CEPT1: variants seen among roughly 807,000 people sequenced by gnomAD.
CEPT1 encodes the protein choline/ethanolamine phosphotransferase 1.
A neutral mutation model predicts 42.6 loss-of-function variants in CEPT1; 7 were observed. That is an observed-to-expected ratio of 0.16 (90% confidence interval 0.09 to 0.31). The LOEUF (loss-of-function observed/expected upper bound fraction) is 0.31, where lower values mean the gene tolerates loss of function less well. CEPT1 is among the 10% of genes least tolerant of loss of function. CEPT1 has a pLI of 1.00. For missense variants in CEPT1, 306 were observed against 502.1 expected (o/e 0.61, Z 3.73); for synonymous variants, 171 against 171.9 (o/e 0.99, Z 0.04).
chr1:111,167,043 T>C (rs1366354722), intron 4 of CEPT1: 2 of 788,682 alleles, frequency 2.5e-6, no homozygotes, highest in Non-Finnish European at 3.1e-6. Flanking sequence ...CCTGTGTTAG[T>C]AGGGCTCTTT....
intron 3 of CEPT1, chr1:111,159,752 G>T: frequency 2.8e-6 from 1 of 357,920 alleles, no homozygotes; most frequent in South Asian, 3.9e-5. Flanking sequence ...TATTGTTTTG[G>T]CATCTTTTGT....
chr1:111,155,581 C>CCG (rs772292051), intron 2 of CEPT1, among the ~76,000 whole-genome samples: 8 of 150,852 alleles, frequency 5.3e-5, no homozygotes, highest in Admixed American at 4.6e-4. Context: ...CTTTTATTGT[C>CCG]CGGGCTGGAG....
intron 2 of CEPT1, among the ~76,000 whole-genome samples, chr1:111,149,708 C>A (rs529045409): frequency 1.3e-5 from 2 of 152,316 alleles, no homozygotes; most frequent in East Asian, 3.9e-4. Context: ...TTGACTGCTA[C>A]TCCCAGAAGG....
At chr1:111,162,158 G>A (rs1484574664) in intron 4 of CEPT1, among the ~76,000 whole-genome samples, 1 of 152,170 alleles carries the variant, frequency 6.6e-6, no homozygotes, top group African/African-American at 2.4e-5. Flanking sequence ...TGAATCTGCA[G>A]GGAACTTTTG....
intron 4 of CEPT1, among the ~76,000 whole-genome samples, chr1:111,170,949 T>TA (rs1656385171): frequency 6.6e-6 from 1 of 152,206 alleles, no homozygotes; most frequent in South Asian, 2.1e-4. Context: ...ATTTACTATT[T>TA]ATAGTTTAAC....
At chr1:111,153,055 A>C (rs1655368529) in intron 2 of CEPT1, among the ~76,000 whole-genome samples, 1 of 152,164 alleles carries the variant, frequency 6.6e-6, no homozygotes, top group Admixed American at 6.5e-5. Context: ...ATTGCTGTAG[A>C]GCACTAGAAC....
intron 1 of CEPT1, among the ~76,000 whole-genome samples, chr1:111,145,614 A>C (rs1469798438): frequency 1.3e-5 from 2 of 152,064 alleles, no homozygotes; most frequent in African/African-American, 2.4e-5. Context: ...CCATGTGGTT[A>C]CTCATGAGCT....
chr1:111,182,596 G>A, intron 6 of CEPT1: 1 of 582,366 alleles, frequency 1.7e-6, no homozygotes, highest in Non-Finnish European at 2.9e-6. Flanking sequence ...GGTCTCTTAA[G>A]TGAAATCCTC....
At chr1:111,168,560 C>T (rs1482744777) in intron 4 of CEPT1, among the ~76,000 whole-genome samples, 1 of 151,602 alleles carries the variant, frequency 6.6e-6, no homozygotes. Context: ...GCTATCTCAG[C>T]TCACTGCAAG....
intron 8 of CEPT1, among the ~76,000 whole-genome samples, chr1:111,183,904 G>C (rs1657120584): frequency 6.6e-6 from 1 of 152,124 alleles, no homozygotes; most frequent in Admixed American, 6.5e-5. Flanking sequence ...AGTTTTATTG[G>C]AACACAGCTA....
chr1:111,151,415 C>G (rs1017439100), intron 2 of CEPT1, among the ~76,000 whole-genome samples: 4 of 152,220 alleles, frequency 2.6e-5, no homozygotes. Flanking sequence ...TGCCACCACA[C>G]CCGGCCAGCT....
intron 2 of CEPT1, among the ~76,000 whole-genome samples, chr1:111,152,271 C>G (rs1380507782): frequency 6.6e-6 from 1 of 151,778 alleles, no homozygotes; most frequent in East Asian, 1.9e-4. Context: ...AAAATTAAAA[C>G]GGCACATTGA....
chr1:111,154,980 T>G (rs1339981995), intron 2 of CEPT1, among the ~76,000 whole-genome samples: 1 of 152,210 alleles, frequency 6.6e-6, no homozygotes, highest in East Asian at 1.9e-4. Flanking sequence ...GGTTTTGATG[T>G]CAGGGTAATG....
Position 111,183,569 on chromosome 1 carries a change from T to G in CEPT1, c.1113T>G (p.Ile371Met), listed in dbSNP as rs200390019. The part of the protein sequence containing the change: ...QYFNSFIDEY[I>M]VLWIALVFSF... ...TTAACAGCTTTATTGATGAATATAT[T>G]GTACTTTGGATTGCCCTGGTAAGTA... is the stretch of plus-strand genomic sequence containing the variant. The change falls in exon 8 of 9, where the codon ATT (isoleucine) becomes ATG (methionine). Residue 371 changes from isoleucine to methionine, a missense_variant. Ile to Met is a conservative substitution (Grantham distance 10). This residue lies in a region of CEPT1 where 253 missense variants were observed against 447.3 expected (regional missense o/e 0.57). Transcript: ENST00000357172. 1.2e-6 allele frequency: 2 copies of G among 1,612,908 alleles called. No individual in the cohort carries two copies. The highest frequency in any genetic ancestry group is 1.3e-5 in the African/African-American group (1 of 75,004).
chr1:111,157,534 G>C (rs564763649), intron 2 of CEPT1, among the ~76,000 whole-genome samples: 1 of 152,076 alleles, frequency 6.6e-6, no homozygotes, highest in Non-Finnish European at 1.5e-5. Flanking sequence ...GCAAGATAGC[G>C]CAGCTCTAGA....
intron 4 of CEPT1, among the ~76,000 whole-genome samples, chr1:111,168,724 G>A (rs1444894681): frequency 1.3e-5 from 2 of 152,108 alleles, no homozygotes; most frequent in Admixed American, 6.5e-5. Flanking sequence ...TCCTGACCTC[G>A]TGATCTGCCC....
intron 4 of CEPT1, among the ~76,000 whole-genome samples, chr1:111,169,517 AAATGTTTCTAAAAACT>A (rs1371477371): frequency 6.6e-6 from 1 of 152,188 alleles, no homozygotes; most frequent in Non-Finnish European, 1.5e-5. Flanking sequence ...CTTTCTATTA[AAATGTTTCTAAAAACT>A]AATGCATTTT....
At position 111,182,779 on chromosome 1, in the gene CEPT1, C is replaced by T. The variant is rs921731365; in HGVS notation, c.847-20C>T. ...TGATGAGTACTGAATACTATTAACT[C>T]TTCTCTTCACTCTGTACAGGGAACA... On this transcript the variant is annotated intron_variant, in intron 6 of 8. Coordinates refer to ENST00000357172, the MANE Select transcript of CEPT1 (RefSeq NM_006090.5). 5.0e-6 allele frequency: 8 copies of T among 1,599,868 alleles called. No individual in the cohort carries two copies. Among genetic ancestry groups the T allele is most frequent in the Non-Finnish European group, 6.8e-6 (8 of 1,171,190 alleles).
intron 1 of CEPT1, 112 bp downstream of exon 1, chr1:111,140,419 T>G (rs1172363854): frequency 6.6e-6 from 1 of 152,188 alleles, no homozygotes; most frequent in East Asian, 1.9e-4. Context: ...TAGCTGTGTA[T>G]GGACTCGCGC....
Sources: allele counts gnomAD v4.1 joint callset (sites outside exome capture counted in the v4.1 genomes callset), GRCh38; gene constraint gnomAD v4.1.1; regional missense constraint gnomAD v4.1.1; transcripts MANE v1.5; gene names NCBI Gene and HGNC (gene_info 2026-07-23, HGNC 2026-07-21).